Variants in PLGRKT observed in about 807,000 individuals in gnomAD.
PLGRKT encodes the protein plasminogen receptor (KT).
A neutral mutation model predicts 18.5 loss-of-function variants in PLGRKT; 22 were observed. That is an observed-to-expected ratio of 1.19 (90% CI 0.85 to 1.70). The LOEUF (loss-of-function observed/expected upper bound fraction) is 1.70, where lower values mean the gene tolerates loss of function less well. PLGRKT is among the 40% of genes most tolerant of loss of function. The pLI is 0.00. For synonymous variants in PLGRKT, 72 were observed against 52.8 expected, an observed-to-expected ratio of 1.36 and a Z score of -1.58; for missense variants, 235 against 174.4, an observed-to-expected ratio of 1.35 and a Z score of -1.96.
chr9:5,374,129 A>G (rs1252265085), intron 3 of PLGRKT, among the ~76,000 whole-genome samples: 8 of 152,188 alleles, frequency 5.3e-5, no homozygotes, highest in Non-Finnish European at 1.0e-4. Flanking sequence ...CTGTAGGCTT[A>G]TATTTCTAAC....
At chr9:5,365,109 T>C (rs1338603979) in intron 3 of PLGRKT, among the ~76,000 whole-genome samples, 1 of 84,640 alleles carries the variant, frequency 1.2e-5, no homozygotes, top group Non-Finnish European at 2.2e-5. Flanking sequence ...ACATGATTTC[T>C]ACTCTCCAAA....
intron 3 of PLGRKT, chr9:5,392,490 G>T (rs1817968708): frequency 6.6e-6 from 1 of 151,882 alleles, no homozygotes; most frequent in South Asian, 2.1e-4. Context: ...ACATTAGCAT[G>T]TCTCGGCTTT....
rs1563764221 is a variant in PLGRKT, at chr9:5,361,207, A to G, written c.213-20T>C. 7.2e-7 allele frequency: 1 copy of G among 1,397,754 alleles called. No individual in the cohort carries two copies. The highest frequency in any genetic ancestry group is 1.9e-5 in the Admixed American group (1 of 54,028). The allele number at this position is 1,397,754 out of a possible 1,614,324, so 86.6% of individuals were successfully genotyped here. On this transcript the variant is annotated intron_variant, in intron 4 of 5. Coordinates refer to ENST00000223864, the MANE Select transcript of PLGRKT (RefSeq NM_018465.4). ...ATCGCTCTGTTTCAAGAATTAAAAG[A>G]AGAACCAATATCAAAAAATAACCTG...
chr9:5,421,218 C>A (rs1205263528), intron 3 of PLGRKT, among the ~76,000 whole-genome samples: 3 of 152,200 alleles, frequency 2.0e-5, no homozygotes, highest in African/African-American at 7.2e-5. Flanking sequence ...ACGAGTTCTC[C>A]CAGCTCAGTG....
rs777740417 is a variant in PLGRKT, at chr9:5,361,116, T to C, written c.284A>G (p.Tyr95Cys). 22 of 1,607,134 alleles carry C rather than the reference T, an allele frequency of 1.4e-5. No homozygotes were observed. Among genetic ancestry groups the C allele is most frequent in the Middle Eastern group, 3.3e-4 (2 of 6,070 alleles). The change falls in exon 5 of 6, where the codon TAT becomes TGT. Residue 95 changes from tyrosine to cysteine, a missense_variant. Transcript: ENST00000223864. ...TAAAAGGGTTCCATAGCCCAAGTCA[T>C]ACTGGTAGGTGAGGATAAAGCTTAA... is the stretch of plus-strand genomic sequence containing the variant. Reference protein sequence around the residue: ...VPLSFILTYQYDLGYGTLLER... With the variant: ...VPLSFILTYQCDLGYGTLLER...
chr9:5,389,193 G>A (rs1817900363), intron 3 of PLGRKT, among the ~76,000 whole-genome samples: 1 of 151,880 alleles, frequency 6.6e-6, no homozygotes, highest in African/African-American at 2.4e-5. Context: ...TTAGAAGCAG[G>A]AAGAAAAAAG....
At chr9:5,414,326 C>G (rs1021007009) in intron 3 of PLGRKT, among the ~76,000 whole-genome samples, 3 of 152,132 alleles carry the variant, frequency 2.0e-5, no homozygotes, top group African/African-American at 7.2e-5. Flanking sequence ...GCCACCACAC[C>G]CAGCTAATTT....
At chr9:5,411,945 G>A (rs1394353257) in intron 3 of PLGRKT, among the ~76,000 whole-genome samples, 1 of 151,788 alleles carries the variant, frequency 6.6e-6, no homozygotes, top group East Asian at 1.9e-4. Context: ...TTTATACTTG[G>A]GCATGTTGAT....
At chr9:5,367,462 CA>C (rs1817418996) in intron 3 of PLGRKT, among the ~76,000 whole-genome samples, 1 of 152,104 alleles carries the variant, frequency 6.6e-6, no homozygotes, top group African/African-American at 2.4e-5. Context: ...TGATCTTTAA[CA>C]AAGCTGACAA....
At chr9:5,383,152 G>C (rs964654169) in intron 3 of PLGRKT, among the ~76,000 whole-genome samples, 18 of 152,170 alleles carry the variant, frequency 1.2e-4, no homozygotes, top group African/African-American at 3.4e-4. Context: ...GCAGAGATTG[G>C]AGCAATGCAG....
chr9:5,435,865 G>C (rs1415153678), intron 2 of PLGRKT, among the ~76,000 whole-genome samples: 1 of 152,224 alleles, frequency 6.6e-6, no homozygotes, highest in African/African-American at 2.4e-5. Context: ...TATTCTGTGG[G>C]AAGCCCAGCT....
Position 5,418,559 on chromosome 9 carries a change from G to T in PLGRKT, c.81+13338C>A. 1 of 813,762 alleles carries T rather than the reference G, an allele frequency of 1.2e-6. No homozygotes were observed. The highest frequency in any genetic ancestry group is 1.8e-5 in the Admixed American group (1 of 56,850). The allele number at this position is 813,762 out of a possible 1,614,324, so 50.4% of individuals were successfully genotyped here. ...CCCTGGGGAGCCCTGCCTTGCAGAG[G>T]CTGCTGTCCAGCAGGGATGGTCACC... On this transcript the variant is annotated intron_variant, in intron 3 of 5. Transcript: ENST00000223864. This position sits in a 1 kb window ranked among gnomAD's most constrained non-coding sequence, Gnocchi z 4.2.
chr9:5,376,684 G>T (rs532067017), intron 3 of PLGRKT, among the ~76,000 whole-genome samples: 27 of 152,254 alleles, frequency 1.8e-4, no homozygotes, highest in African/African-American at 6.5e-4. Context: ...ATGTCCTGAT[G>T]TGGAAAATTC....
intron 3 of PLGRKT, among the ~76,000 whole-genome samples, chr9:5,387,433 G>A (rs1817865291): frequency 6.6e-6 from 1 of 151,848 alleles, no homozygotes; most frequent in African/African-American, 2.4e-5. Flanking sequence ...TAATTATGGT[G>A]TATTCATATA....
At chr9:5,388,293 G>C (rs910082732) in intron 3 of PLGRKT, among the ~76,000 whole-genome samples, 3 of 151,958 alleles carry the variant, frequency 2.0e-5, no homozygotes, top group African/African-American at 7.3e-5. Flanking sequence ...ACTGAGGAAT[G>C]TTTTTCAAGG....
At chr9:5,417,611 T>C (rs1294053019) in intron 3 of PLGRKT, among the ~76,000 whole-genome samples, 4 of 150,602 alleles carry the variant, frequency 2.7e-5, no homozygotes, top group Non-Finnish European at 4.4e-5. Flanking sequence ...TATTTACAAA[T>C]CTTATAGCCA....
chr9:5,384,105 C>T (rs1424310696), intron 3 of PLGRKT, among the ~76,000 whole-genome samples: 1 of 152,194 alleles, frequency 6.6e-6, no homozygotes, highest in Admixed American at 6.5e-5. Context: ...GGCAGGAGGT[C>T]CACATTGGAG....
intron 3 of PLGRKT, among the ~76,000 whole-genome samples, chr9:5,368,979 C>A (rs550535714): frequency 6.6e-6 from 1 of 152,070 alleles, no homozygotes; most frequent in Non-Finnish European, 1.5e-5. Flanking sequence ...AAGAGTTATA[C>A]GTAAGACCTA....
chr9:5,392,263 T>C (rs1407934728), intron 3 of PLGRKT: 3 of 151,932 alleles, frequency 2.0e-5, no homozygotes, highest in African/African-American at 7.3e-5. Flanking sequence ...AATAAAGATA[T>C]GATCATAGTT....
Sources: allele counts gnomAD v4.1 joint callset (sites outside exome capture counted in the v4.1 genomes callset), GRCh38; gene constraint gnomAD v4.1.1; non-coding constraint Gnocchi (gnomAD v3.1); transcripts MANE v1.5; gene names NCBI Gene and HGNC (gene_info 2026-07-23, HGNC 2026-07-21).